The following MYO16 variants were observed in gnomAD, a reference collection of about 807,000 sequenced individuals.
MYO16 encodes myosin XVI.
In MYO16, 94 loss-of-function variants were observed where a neutral mutation model predicts 205.3. The ratio of observed to expected loss-of-function variants is 0.46; its 90% CI spans 0.39 to 0.54. The LOEUF (loss-of-function observed/expected upper bound fraction) is 0.54, where lower values mean the gene tolerates loss of function less well. Ranked by LOEUF, MYO16 falls within the 20% of genes least tolerant of loss-of-function variation. The pLI, the probability that MYO16 is intolerant of heterozygous loss-of-function variation, is 0.00. For missense variants in MYO16, 2,315 were observed against 2,387.5 expected (o/e 0.97, Z 0.63); for synonymous variants, 988 against 954.0 (o/e 1.04, Z -0.66).
chr13:108,549,436 A>G, the MYO16 span, among the ~76,000 whole-genome samples: 3 of 151,800 alleles, frequency 2.0e-5, no homozygotes, highest in Non-Finnish European at 4.4e-5. Context: ...TTTTCCAGTA[A>G]CGCCTATTTT....
chr13:108,641,657 T>C (rs980352404), intron 1 of MYO16, among the ~76,000 whole-genome samples: 1 of 152,218 alleles, frequency 6.6e-6, no homozygotes, highest in African/African-American at 2.4e-5. Context: ...ACTTTACTTA[T>C]TAGGTTTATC....
intron 1 of MYO16, among the ~76,000 whole-genome samples, chr13:108,632,814 C>T (rs915549435): frequency 3.4e-4 from 52 of 152,086 alleles, no homozygotes; most frequent in African/African-American, 1.2e-3. Flanking sequence ...AACACATGAA[C>T]ATGACCAGGC....
At chr13:109,030,392 A>G (rs1030761028) in intron 23 of MYO16, among the ~76,000 whole-genome samples, 3 of 152,142 alleles carry the variant, frequency 2.0e-5, no homozygotes, top group Non-Finnish European at 4.4e-5. Context: ...CTAAAATCCA[A>G]TCTTCACATA....
At chr13:108,718,787 A>G (rs983381484) in intron 3 of MYO16, among the ~76,000 whole-genome samples, 2 of 152,140 alleles carry the variant, frequency 1.3e-5, no homozygotes, top group African/African-American at 2.4e-5. Flanking sequence ...CATCACATCC[A>G]TAACTGGAAA....
intron 7 of MYO16, among the ~76,000 whole-genome samples, chr13:108,812,519 A>G (rs1450055184): frequency 2.0e-5 from 3 of 152,114 alleles, no homozygotes; most frequent in Non-Finnish European, 4.4e-5. Context: ...GGAGATTTCC[A>G]TGAGAAACCC....
intron 28 of MYO16, among the ~76,000 whole-genome samples, chr13:109,108,609 C>A (rs1889192910): frequency 6.6e-6 from 1 of 152,210 alleles, no homozygotes; most frequent in African/African-American, 2.4e-5. Flanking sequence ...TGCGATGGCT[C>A]ACAGTCTGCT....
At chr13:108,958,517 A>G (rs1344462229) in intron 17 of MYO16, among the ~76,000 whole-genome samples, 1 of 152,206 alleles carries the variant, frequency 6.6e-6, no homozygotes, top group Non-Finnish European at 1.5e-5. Flanking sequence ...GCCGTGCCGT[A>G]GAAACATCTA....
At chr13:108,679,464 C>A (rs1383304393) in intron 2 of MYO16, among the ~76,000 whole-genome samples, 1 of 152,038 alleles carries the variant, frequency 6.6e-6, no homozygotes, top group African/African-American at 2.4e-5. Flanking sequence ...ACGACTTGCA[C>A]AAAGTAGGTG....
intron 10 of MYO16, among the ~76,000 whole-genome samples, chr13:108,848,220 G>T (rs865849502): frequency 1.7e-4 from 26 of 152,108 alleles, no homozygotes; most frequent in African/African-American, 6.0e-4. Flanking sequence ...CTCCGGTTTT[G>T]CCAGAGCAGT....
chr13:109,062,139 T>C (rs185773761), intron 27 of MYO16, among the ~76,000 whole-genome samples: 46 of 152,334 alleles, frequency 3.0e-4, no homozygotes, highest in East Asian at 9.6e-4. Flanking sequence ...TGCTTTTGTA[T>C]ATTTCCAAGT....
chr13:109,085,150 C>G (rs1443945149), intron 27 of MYO16, among the ~76,000 whole-genome samples: 2 of 152,148 alleles, frequency 1.3e-5, no homozygotes, highest in African/African-American at 2.4e-5. Flanking sequence ...ACAGCAAGGA[C>G]TGCCACATGA....
At chr13:108,569,938 G>T in the MYO16 span, among the ~76,000 whole-genome samples, 2 of 152,100 alleles carry the variant, frequency 1.3e-5, no homozygotes, top group African/African-American at 4.8e-5. Flanking sequence ...ATTGTTGATT[G>T]ATTTTCATAT....
At chr13:108,701,103 A>T (rs527497504) in intron 2 of MYO16, among the ~76,000 whole-genome samples, 1 of 152,286 alleles carries the variant, frequency 6.6e-6, no homozygotes, top group East Asian at 1.9e-4. Flanking sequence ...TTCAGTGGCT[A>T]CACATGATAC....
At chr13:109,103,378 T>C (rs562169225) in intron 28 of MYO16, among the ~76,000 whole-genome samples, 195 of 152,342 alleles carry the variant, frequency 1.3e-3, no homozygotes, top group African/African-American at 4.5e-3. Flanking sequence ...TCCAAATTGC[T>C]AAGAGTTATA....
chr13:108,857,385 G>A (rs1878235330), intron 11 of MYO16, among the ~76,000 whole-genome samples: 1 of 152,218 alleles, frequency 6.6e-6, no homozygotes, highest in Admixed American at 6.5e-5. Flanking sequence ...TGAAAAGATG[G>A]TACACTAGTG....
intron 1 of MYO16, among the ~76,000 whole-genome samples, chr13:108,630,487 T>C (rs1049598154): frequency 3.9e-5 from 6 of 152,230 alleles, no homozygotes; most frequent in African/African-American, 1.4e-4. Context: ...AAGGGTTTCT[T>C]TAGCGTCTGA....
chr13:109,022,663 A>C (rs866103609), intron 23 of MYO16, among the ~76,000 whole-genome samples: 9 of 111,478 alleles, frequency 8.1e-5, no homozygotes, highest in Admixed American at 6.9e-4. Context: ...GTATATATTT[A>C]TATATTATAT....
At chr13:108,802,351 C>T (rs1886993070) in intron 6 of MYO16, among the ~76,000 whole-genome samples, 1 of 152,190 alleles carries the variant, frequency 6.6e-6, no homozygotes, top group African/African-American at 2.4e-5. Context: ...ATTTGTCTTT[C>T]TGTGCCTGAC....
chr13:109,096,869 C>T (rs1227648044), intron 27 of MYO16, among the ~76,000 whole-genome samples: 3 of 152,226 alleles, frequency 2.0e-5, no homozygotes, highest in African/African-American at 7.2e-5. Context: ...TGTTAGGTGA[C>T]TTGCCAAGGG....
Sources: allele counts gnomAD v4.1 joint callset (sites outside exome capture counted in the v4.1 genomes callset), GRCh38; gene constraint gnomAD v4.1.1; transcripts MANE v1.5; gene names NCBI Gene and HGNC (gene_info 2026-07-23, HGNC 2026-07-21).